Variants in SYNE1 observed in about 807,000 individuals in gnomAD.
The protein encoded by SYNE1 is spectrin repeat containing nuclear envelope protein 1.
Under a neutral mutation model 1,111.0 loss-of-function variants are expected in SYNE1, and 616 were observed. The observed-to-expected ratio is 0.55, with a 90% CI of 0.52 to 0.59. The LOEUF is 0.59. SYNE1 is among the 20% of genes least tolerant of loss of function. SYNE1 has a pLI of 0.00. For missense variants in SYNE1, 10,006 were observed against 10,417.0 expected, an observed-to-expected ratio of 0.96 and a Z score of 1.72; for synonymous variants, 3,855 against 3,825.8, an observed-to-expected ratio of 1.01 and a Z score of -0.28.
intron 3 of SYNE1, among the ~76,000 whole-genome samples, chr6:152,585,379 G>A (rs2099534518): frequency 6.6e-6 from 1 of 152,224 alleles, no homozygotes; most frequent in South Asian, 2.1e-4. Context: ...AGTTTTGCAT[G>A]CAAATGCAAA....
chr6:152,401,065 T>A, intron 47 of SYNE1, 73 bp downstream of exon 47: 1 of 1,476,300 alleles, frequency 6.8e-7, no homozygotes. Context: ...TTATATTTTT[T>A]ATTATAGTCA....
chr6:152,434,355 A>G (rs2098454676), intron 33 of SYNE1: 1 of 193,736 alleles, frequency 5.2e-6, no homozygotes, highest in Non-Finnish European at 1.1e-5. Context: ...TTCTTCTTAC[A>G]CTTAAAGGAG....
chr6:152,431,357 C>T (rs2154207106), intron 34 of SYNE1, among the ~76,000 whole-genome samples: 1 of 152,304 alleles, frequency 6.6e-6, no homozygotes, highest in Admixed American at 6.5e-5. Context: ...GCTGAGGCTG[C>T]TGATCCAGGG....
intron 16 of SYNE1, among the ~76,000 whole-genome samples, chr6:152,467,016 G>C (rs2098773583): frequency 6.6e-6 from 1 of 152,068 alleles, no homozygotes; most frequent in Admixed American, 6.6e-5. Context: ...CTTGTGTGCA[G>C]AGGAAACATT....
At chr6:152,533,984 C>A (rs1001810854) in intron 4 of SYNE1, among the ~76,000 whole-genome samples, 1 of 151,902 alleles carries the variant, frequency 6.6e-6, no homozygotes, top group Non-Finnish European at 1.5e-5. Flanking sequence ...CATGGTAAAA[C>A]CTCGTCTCTA....
intron 130 of SYNE1, among the ~76,000 whole-genome samples, chr6:152,175,077 C>T (rs796753072): frequency 6.6e-5 from 10 of 152,054 alleles, no homozygotes; most frequent in African/African-American, 2.4e-4. Flanking sequence ...GCCTGTAGTC[C>T]CAGGGATTGG....
In SYNE1 at chr6:152,141,290, C is replaced by T. The variant is rs119103247; in HGVS notation, c.25159G>A (p.Val8387Met). 6.2e-6 allele frequency: 10 copies of T among 1,613,950 alleles called. No individual in the cohort carries two copies. Among genetic ancestry groups the T allele is most frequent in the Admixed American group, 1.7e-5 (1 of 59,998 alleles). ...LGECSSSIDS[V>M]KRLEHKLKEE... ...TTCAGTTTGTGCTCCAGTCTCTTCACGGAGTCTATACTGCTACTGCATTCG... is the reference window on the plus strand; with the variant it reads ...TTCAGTTTGTGCTCCAGTCTCTTCATGGAGTCTATACTGCTACTGCATTCG... Residue 8387 changes from valine to methionine, a missense_variant, in exon 139 of 146, where the codon GTG (valine) becomes ATG (methionine). This residue lies in a region of SYNE1 where 761 missense variants were observed against 795.5 expected (regional missense o/e 0.96). Transcript: ENST00000367255.
intron 135 of SYNE1, 65 bp from the exon 136 acceptor site, chr6:152,149,733 T>C (rs2060098541): frequency 2.2e-6 from 3 of 1,367,710 alleles, no homozygotes; most frequent in Admixed American, 1.7e-5. Flanking sequence ...AAAAGAATCA[T>C]AATAGATGTA....
At chr6:152,456,459 A>T (rs918278634) in intron 22 of SYNE1, among the ~76,000 whole-genome samples, 1 of 151,660 alleles carries the variant, frequency 6.6e-6, no homozygotes, top group African/African-American at 2.4e-5. Context: ...ATTGAGCATC[A>T]ATGCACATTC....
At chr6:152,260,710 G>A (rs372486266) in intron 101 of SYNE1, among the ~76,000 whole-genome samples, 2 of 151,902 alleles carry the variant, frequency 1.3e-5, no homozygotes, top group East Asian at 1.9e-4. Context: ...TCTCGGGGGT[G>A]GGAGAGACGG....
At chr6:152,192,666 G>C (rs1464099432) in intron 127 of SYNE1, among the ~76,000 whole-genome samples, 1 of 151,602 alleles carries the variant, frequency 6.6e-6, no homozygotes, top group Non-Finnish European at 1.5e-5. Context: ...TAGGGACTGG[G>C]TTTTGCCATG....
rs142451860 is a variant in SYNE1 at position 152,480,685 on chromosome 6, T to G, written c.1350+2400A>C. On this transcript the variant is annotated intron_variant, in intron 14 of 145. Coordinates refer to ENST00000367255, the MANE Select transcript of SYNE1 (RefSeq NM_182961.4). The stretch of plus-strand genomic sequence containing the variant: ...CCCAGGCCTAGTAGAAGTTCCTACC[T>G]CAATGAAAAGATCATTCTAATATTC... 182 of 447,852 alleles carry G rather than the reference T, an allele frequency of 4.1e-4. 2 individuals are homozygous for G. The East Asian group carries it at 0.011, about 28-fold the overall frequency. The allele number at this position is 447,852 out of a possible 1,614,324, so 27.7% of individuals were successfully genotyped here. A position where few individuals can be genotyped will look rare whatever the true frequency, so the allele number is the denominator to read the frequency against.
intron 10 of SYNE1, among the ~76,000 whole-genome samples, chr6:152,500,807 C>A (rs534105450): frequency 6.6e-6 from 1 of 151,808 alleles, no homozygotes; most frequent in Non-Finnish European, 1.5e-5. Context: ...AAAAATTAGC[C>A]GGGCGTGGTG....
At chr6:152,518,148 G>C (rs2099121627) in intron 6 of SYNE1, among the ~76,000 whole-genome samples, 1 of 150,912 alleles carries the variant, frequency 6.6e-6, no homozygotes, top group Non-Finnish European at 1.5e-5. Flanking sequence ...AAGACAAAAA[G>C]AACTACACAC....
chr6:152,139,857 G>A (rs2058170239), intron 140 of SYNE1, 93 bp downstream of exon 140: 1 of 1,352,652 alleles, frequency 7.4e-7, no homozygotes, highest in Non-Finnish European at 1.1e-6. Flanking sequence ...CTGCTGCTGT[G>A]TAAGAGCAGC....
At chr6:152,373,328 G>GGAGTGCA in intron 58 of SYNE1, 109 bp from the exon 59 acceptor site, 1 of 1,030,780 alleles carries the variant, frequency 9.7e-7, no homozygotes, top group East Asian at 2.6e-5. Context: ...CACTCAGGCT[G>GGAGTGCA]GAGTGCAGTA....
Position 152,122,141 on chromosome 6 carries a change from A to G in SYNE1, c.*295T>C, listed in dbSNP as rs886061190. On this transcript the variant is annotated 3_prime_UTR_variant, in exon 146 of 146. Transcript: ENST00000367255. Reference sequence around the variant, plus strand: ...TGTGCACAGAATGGGCCAAGGGCCCAGAATTCATGAGTCCGGGGAACTTTG... The same window carrying G: ...TGTGCACAGAATGGGCCAAGGGCCCGGAATTCATGAGTCCGGGGAACTTTG... 1 of 436,316 alleles carries G rather than the reference A, an allele frequency of 2.3e-6. No homozygotes were observed. Among genetic ancestry groups the G allele is most frequent in the Non-Finnish European group, 4.3e-6 (1 of 234,416 alleles). 27.0% of individuals were successfully genotyped at this position (436,316 alleles called of 1,614,324 possible).
At chr6:152,303,588 T>C (rs544771034) in intron 91 of SYNE1, among the ~76,000 whole-genome samples, 10 of 152,050 alleles carry the variant, frequency 6.6e-5, no homozygotes, top group African/African-American at 1.7e-4. Context: ...CCCTCTTAGA[T>C]ACAAAATTCA....
chr6:152,323,702 T>C lies in SYNE1; in HGVS notation c.15693A>G (p.Gln5231=), dbSNP rs776612062. The C allele has an allele frequency of 6.2e-7, 1 of 1,614,240 alleles. No homozygotes were observed. The highest frequency in any genetic ancestry group is 8.5e-7 in the Non-Finnish European group (1 of 1,180,030). Residue 5231 remains glutamine (Q), a synonymous_variant, in exon 82 of 146, where the codon CAA becomes CAG. Transcript: ENST00000367255. ...KKATEMIDQL[Q]DKLPGSSAEK... is the part of the protein sequence containing the mutation. ...CTGCTGAACTTCCAGGTAACTTATC[T>C]TGCAGCTGATCAATCATTTCAGTGG...
Sources: allele counts gnomAD v4.1 joint callset (sites outside exome capture counted in the v4.1 genomes callset), GRCh38; gene constraint gnomAD v4.1.1; regional missense constraint gnomAD v4.1.1; transcripts MANE v1.5; gene names NCBI Gene and HGNC (gene_info 2026-07-23, HGNC 2026-07-21).